Variants in ADARB2 observed in about 807,000 individuals in gnomAD.
ADARB2 encodes inactive double-stranded RNA-specific editase B2.
ADARB2 carries 25 observed loss-of-function variants against 62.2 expected under a neutral mutation model. That is an observed-to-expected ratio of 0.40 (90% CI 0.29 to 0.56). The LOEUF (loss-of-function observed/expected upper bound fraction) is 0.56, where lower values mean the gene tolerates loss of function less well. Among genes scored for constraint, ADARB2 ranks in the 20% least tolerant of loss-of-function variants. ADARB2 has a pLI of 0.43. For missense variants in ADARB2, 1,071 were observed against 1,077.4 expected (o/e 0.99, Z 0.08); for synonymous variants, 572 against 500.8 (o/e 1.14, Z -1.90).
At chr10:1,200,412 G>A (rs1272123178) in intron 7 of ADARB2, 1 of 525,974 alleles carries the variant, frequency 1.9e-6, no homozygotes, top group Non-Finnish European at 3.4e-6. Context: ...AGTGGAAACT[G>A]TTATGTTCTC....
At chr10:1,703,414 G>C (rs1375389780) in intron 1 of ADARB2, among the ~76,000 whole-genome samples, 1 of 152,122 alleles carries the variant, frequency 6.6e-6, no homozygotes, top group Non-Finnish European at 1.5e-5. Flanking sequence ...GGATGCTGGT[G>C]AGCAGTGAGG....
chr10:1,315,553 A>G (rs957345473), intron 3 of ADARB2, among the ~76,000 whole-genome samples: 1 of 152,226 alleles, frequency 6.6e-6, no homozygotes, highest in Admixed American at 6.5e-5. Context: ...AGGAAATGTC[A>G]TATTTGTAGG....
At chr10:1,229,824 G>C (rs1008463069) in intron 6 of ADARB2, among the ~76,000 whole-genome samples, 4 of 139,692 alleles carry the variant, frequency 2.9e-5, no homozygotes, top group African/African-American at 5.4e-5. Flanking sequence ...ACTTATGTAT[G>C]TTTTTGTGCA....
intron 7 of ADARB2, among the ~76,000 whole-genome samples, chr10:1,206,821 GT>G (rs1278984276): frequency 6.6e-6 from 1 of 152,136 alleles, no homozygotes; most frequent in Non-Finnish European, 1.5e-5. Context: ...TGGAGTTCCA[GT>G]TCTTACCTTG....
chr10:1,435,416 A>G (rs897192575), intron 1 of ADARB2, among the ~76,000 whole-genome samples: 1 of 152,152 alleles, frequency 6.6e-6, no homozygotes, highest in African/African-American at 2.4e-5. Flanking sequence ...CCATTAACTC[A>G]GGGGGCCTGT....
chr10:1,576,232 G>T (rs1833019493), intron 1 of ADARB2, among the ~76,000 whole-genome samples: 1 of 150,392 alleles, frequency 6.6e-6, no homozygotes, highest in Admixed American at 6.6e-5. Context: ...CAGGTCTCAG[G>T]GTCACAGGAG....
chr10:1,197,124 C>A (rs1460063560), intron 8 of ADARB2, among the ~76,000 whole-genome samples: 1 of 152,208 alleles, frequency 6.6e-6, no homozygotes, highest in Non-Finnish European at 1.5e-5. Context: ...TATTGCAAAT[C>A]ACTTACCATC....
chr10:1,230,348 C>T (rs912306385), intron 6 of ADARB2, among the ~76,000 whole-genome samples: 1 of 152,134 alleles, frequency 6.6e-6, no homozygotes, highest in Admixed American at 6.5e-5. Flanking sequence ...ACAGTGCAAA[C>T]TGGATGTGTC....
chr10:1,352,492 C>T (rs1413435359), intron 3 of ADARB2, among the ~76,000 whole-genome samples: 1 of 152,148 alleles, frequency 6.6e-6, no homozygotes, highest in Non-Finnish European at 1.5e-5. Flanking sequence ...GCTGTGCAGT[C>T]GGAATTCTTA....
At chr10:1,468,342 T>C (rs974961729) in intron 1 of ADARB2, among the ~76,000 whole-genome samples, 1 of 152,168 alleles carries the variant, frequency 6.6e-6, no homozygotes, top group Non-Finnish European at 1.5e-5. Context: ...TCTGGGCCTG[T>C]TAGTCCGGGT....
intron 7 of ADARB2, among the ~76,000 whole-genome samples, chr10:1,213,562 GGA>G (rs1680081886): frequency 6.6e-6 from 1 of 152,220 alleles, no homozygotes; most frequent in Admixed American, 6.5e-5. Flanking sequence ...ACTTGTGAAT[GGA>G]GAGAGAGGAC....
chr10:1,412,666 C>T (rs1462878915), intron 1 of ADARB2, among the ~76,000 whole-genome samples: 1 of 152,070 alleles, frequency 6.6e-6, no homozygotes, highest in South Asian at 2.1e-4. Context: ...GGGTAATGGA[C>T]CACGTAATGA....
chr10:1,485,647 T>G (rs573428320), intron 1 of ADARB2, among the ~76,000 whole-genome samples: 1 of 152,288 alleles, frequency 6.6e-6, no homozygotes, highest in South Asian at 2.1e-4. Flanking sequence ...AACTTGTTCA[T>G]TGCTGTCCTG....
At chr10:1,352,823 C>T (rs898305068) in intron 3 of ADARB2, among the ~76,000 whole-genome samples, 1 of 152,182 alleles carries the variant, frequency 6.6e-6, no homozygotes, top group Non-Finnish European at 1.5e-5. Flanking sequence ...AGATACCACA[C>T]CTGACCCTCA....
intron 2 of ADARB2, among the ~76,000 whole-genome samples, chr10:1,375,714 C>G (rs945720947): frequency 4.6e-5 from 7 of 152,210 alleles, no homozygotes; most frequent in African/African-American, 1.7e-4. Context: ...TTGCTCCTGA[C>G]ATATGTGCGT....
intron 1 of ADARB2, among the ~76,000 whole-genome samples, chr10:1,381,804 C>CAG (rs1832485946): frequency 1.3e-5 from 2 of 152,176 alleles, no homozygotes; most frequent in Non-Finnish European, 2.9e-5. Flanking sequence ...TTCACCGAAG[C>CAG]AGAGAGCAGC....
chr10:1,511,053 C>A (rs1237324384), intron 1 of ADARB2, among the ~76,000 whole-genome samples: 2 of 152,152 alleles, frequency 1.3e-5, no homozygotes, highest in Admixed American at 1.3e-4. Context: ...TGGGGTTTTG[C>A]CACATGGGCC....
intron 1 of ADARB2, among the ~76,000 whole-genome samples, chr10:1,578,224 A>G (rs940695192): frequency 2.6e-5 from 4 of 152,218 alleles, no homozygotes; most frequent in Non-Finnish European, 4.4e-5. Context: ...GCACGTGCAG[A>G]GGCAGGAGGG....
At chr10:1,642,217 C>A (rs986041728) in intron 1 of ADARB2, among the ~76,000 whole-genome samples, 1 of 147,592 alleles carries the variant, frequency 6.8e-6, no homozygotes, top group African/African-American at 2.7e-5. Context: ...CAAAAGCACA[C>A]GGATTTTGGC....
Sources: allele counts gnomAD v4.1 joint callset (sites outside exome capture counted in the v4.1 genomes callset), GRCh38; gene constraint gnomAD v4.1.1; transcripts MANE v1.5; gene names NCBI Gene and HGNC (gene_info 2026-07-23, HGNC 2026-07-21).